The following NEBL variants were observed in gnomAD, a reference collection of about 807,000 sequenced individuals.
NEBL encodes nebulette.
NEBL carries 122 observed loss-of-function variants against 140.2 expected under a neutral mutation model. The ratio of observed to expected loss-of-function variants is 0.87; its 90% CI spans 0.75 to 1.01. The LOEUF (loss-of-function observed/expected upper bound fraction) is 1.01. Ranked by LOEUF, NEBL falls within the 50% of genes least tolerant of loss-of-function variation. The pLI, the probability that NEBL is intolerant of heterozygous loss-of-function variation, is 0.00. For synonymous variants in NEBL, 436 were observed against 398.9 expected, an observed-to-expected ratio of 1.09 and a Z score of -1.11; for missense variants, 1,365 against 1,231.3, an observed-to-expected ratio of 1.11 and a Z score of -1.62.
intron 3 of NEBL, among the ~76,000 whole-genome samples, chr10:20,979,049 C>G (rs771403598): frequency 1.3e-4 from 20 of 151,752 alleles, no homozygotes; most frequent in Non-Finnish European, 2.4e-4. Context: ...ATCACCATAA[C>G]TCTGCAAAAC....
intron 3 of NEBL, among the ~76,000 whole-genome samples, chr10:20,986,430 A>T (rs928000462): frequency 6.6e-6 from 1 of 152,232 alleles, no homozygotes; most frequent in Admixed American, 6.5e-5. Flanking sequence ...GTACTTTTCA[A>T]TTAGATCCTA....
chr10:21,094,654 C>A (rs3845188), intron 2 of NEBL, among the ~76,000 whole-genome samples: 66,519 of 151,950 alleles, frequency 0.44, 17,964 homozygotes, highest in Middle Eastern at 0.59. Flanking sequence ...TCCACTCCAG[C>A]CTGGATTTTT....
chr10:20,976,922 TAA>T (rs373538681), intron 3 of NEBL, among the ~76,000 whole-genome samples: 99 of 129,626 alleles, frequency 7.6e-4, no homozygotes, highest in Middle Eastern at 3.9e-3. Flanking sequence ...GAATCTACAT[TAA>T]AAAAAAAAAA....
In NEBL at chr10:20,785,542, T is replaced by C. The variant is rs566345020; in HGVS notation, c.*205A>G. On this transcript the variant is annotated 3_prime_UTR_variant, in exon 28 of 28. Coordinates refer to ENST00000377122, the MANE Select transcript of NEBL (RefSeq NM_006393.3). ...AGCACCAGGTGTCCAGACACAAAGA[T>C]TTTTGTTTGTAGGAATTACTGAAAA... The C allele has an allele frequency of 8.1e-6, 5 of 618,220 alleles. No individual in the cohort carries two copies. The Admixed American group carries it at 1.4e-4, about 17-fold the overall frequency. The allele number at this position is 618,220 out of a possible 1,614,324, so 38.3% of individuals were successfully genotyped here.
chr10:20,961,762 A>G (rs776778770), exon 4 of NEBL: 4 of 1,613,512 alleles, frequency 2.5e-6, no homozygotes, highest in Non-Finnish European at 3.4e-6. Context: ...TTTCTTCAAA[A>G]TCTCTTTTGT....
intron 4 of NEBL, 61 bp from the exon 5 acceptor site, chr10:20,880,965 TTC>T: frequency 7.4e-7 from 1 of 1,345,334 alleles, no homozygotes; most frequent in Non-Finnish European, 1.1e-6. Context: ...GCCTGCTAAT[TTC>T]AGTGTTTTGC....
At chr10:20,852,769 C>T in intron 9 of NEBL, 120 bp from the exon 10 acceptor site, 2 of 884,356 alleles carry the variant, frequency 2.3e-6, no homozygotes, top group Non-Finnish European at 3.6e-6. Context: ...TTGCCAAGTC[C>T]CCATCTGCAG....
At chr10:21,162,759 T>C (rs891286468) in intron 2 of NEBL, among the ~76,000 whole-genome samples, 3 of 152,092 alleles carry the variant, frequency 2.0e-5, no homozygotes, top group Non-Finnish European at 4.4e-5. Context: ...AAAAGTACAA[T>C]GGATGGACAA....
At chr10:21,172,133 G>T in intron 2 of NEBL, 1 of 521,102 alleles carries the variant, frequency 1.9e-6, no homozygotes, top group South Asian at 2.1e-5. Context: ...TGTCCCTAAG[G>T]CTGTAACACT....
chr10:21,206,644 G>C (rs951670213), intron 3 of NEBL, among the ~76,000 whole-genome samples: 1 of 152,212 alleles, frequency 6.6e-6, no homozygotes, highest in African/African-American at 2.4e-5. Context: ...ACTGAATGAG[G>C]AGACAGGAGG....
At chr10:21,235,994 C>T (rs990104901) in intron 3 of NEBL, among the ~76,000 whole-genome samples, 4 of 152,182 alleles carry the variant, frequency 2.6e-5, no homozygotes, top group Non-Finnish European at 4.4e-5. Context: ...CTTATGGCCC[C>T]TTGTGGTTGA....
At chr10:21,074,356 G>A (rs1564501809) in intron 2 of NEBL, among the ~76,000 whole-genome samples, 4 of 152,140 alleles carry the variant, frequency 2.6e-5, no homozygotes, top group Admixed American at 2.0e-4. Context: ...CCTGCCATTG[G>A]CTTCTATGGG....
At chr10:20,984,067 C>T (rs946622420) in intron 3 of NEBL, among the ~76,000 whole-genome samples, 1 of 150,336 alleles carries the variant, frequency 6.7e-6, no homozygotes, top group Non-Finnish European at 1.5e-5. Context: ...GGGAAAGGTA[C>T]TTTTTAATAA....
intron 5 of NEBL, 124 bp from the exon 6 acceptor site, chr10:20,869,965 T>A: frequency 1.4e-6 from 1 of 728,004 alleles, no homozygotes; most frequent in Non-Finnish European, 2.4e-6. Context: ...TGACCTTAAG[T>A]TGGCTTTTTG....
chr10:21,048,451 CAAAAAA>C (rs10626391), intron 2 of NEBL, among the ~76,000 whole-genome samples: 21 of 103,182 alleles, frequency 2.0e-4, no homozygotes, highest in Admixed American at 6.6e-4. Flanking sequence ...AAATTTCTAC[CAAAAAA>C]AAAAAAAAAA....
intron 2 of NEBL, chr10:21,125,758 A>G: frequency 8.0e-7 from 1 of 1,251,382 alleles, no homozygotes; most frequent in Non-Finnish European, 1.1e-6. Flanking sequence ...GGATGGAAAC[A>G]GAACTCAGGC....
chr10:20,913,799 T>C (rs964465914), intron 4 of NEBL, among the ~76,000 whole-genome samples: 8 of 152,228 alleles, frequency 5.3e-5, no homozygotes, highest in African/African-American at 9.7e-5. Flanking sequence ...TATGATCTTA[T>C]AGTATTTGTT....
intron 3 of NEBL, among the ~76,000 whole-genome samples, chr10:21,221,222 C>T (rs1842061672): frequency 6.6e-6 from 1 of 152,046 alleles, no homozygotes; most frequent in African/African-American, 2.4e-5. Context: ...ATGCATTTCA[C>T]AATGTATACA....
chr10:20,820,810 G>A (rs529129223), intron 19 of NEBL, among the ~76,000 whole-genome samples: 339 of 152,006 alleles, frequency 2.2e-3, no homozygotes, highest in Non-Finnish European at 3.8e-3. Flanking sequence ...GGGTGACAGA[G>A]TAAGACTCTA....
Sources: gnomAD v4.1 joint callset for allele counts (sites outside exome capture counted in the v4.1 genomes callset) on GRCh38, gnomAD v4.1.1 for gene constraint, MANE v1.5 for transcripts, NCBI Gene and HGNC (gene_info 2026-07-23, HGNC 2026-07-21) for gene names.